ZNF318: variants seen among roughly 807,000 people sequenced by gnomAD.
ZNF318 encodes the protein endocrine regulator.
In ZNF318, 51 loss-of-function variants were observed where a neutral mutation model predicts 124.2. That is an observed-to-expected ratio of 0.41 (90% CI 0.33 to 0.52). The LOEUF is 0.52. ZNF318 is among the 20% of genes least tolerant of loss of function. ZNF318 has a pLI of 0.23. For synonymous variants in ZNF318, 1,090 were observed against 1,040.7 expected (o/e 1.05, Z -0.91); for missense variants, 2,815 against 2,811.2 (o/e 1.00, Z -0.03).
chr6:43,364,859 C>A (rs1362749084), intron 2 of ZNF318, among the ~76,000 whole-genome samples: 1 of 152,214 alleles, frequency 6.6e-6, no homozygotes, highest in Non-Finnish European at 1.5e-5. Flanking sequence ...ACTTACCTAA[C>A]CCTTTCTGAA....
Position 43,368,978 on chromosome 6 carries a change from T to G in ZNF318, c.388A>C (p.Ser130Arg). 1 of 1,424,832 alleles carries G rather than the reference T, an allele frequency of 7.0e-7. No homozygotes were observed. The highest frequency in any genetic ancestry group is 9.2e-7 in the Non-Finnish European group (1 of 1,085,958). The allele number at this position is 1,424,832 out of a possible 1,614,324, so 88.3% of individuals were successfully genotyped here. A position where few individuals can be genotyped will look rare whatever the true frequency, so the allele number is the denominator to read the frequency against. The change falls in exon 1 of 10, where the codon AGC becomes CGC. Residue 130 changes from serine to arginine, a missense_variant. Around this residue, in one of 4 missense-constraint regions of ZNF318, gnomAD observed 1,377 missense variants for 1,353.5 expected, o/e 1.02. Transcript: ENST00000361428. ...RDGRGDHPGD[S>R]GSRRRSPGLC... is the part of the protein sequence containing the mutation. ...AGGGGTGGGATTACCCGGCTGCCGC[T>G]GTCGCCTGGATGGTCTCCGCGGCCG... is the stretch of plus-strand genomic sequence containing the variant.
rs770284930 is a variant in ZNF318 at position 43,340,515 on chromosome 6, A to T, written c.3496-13T>A. 6.4e-7 allele frequency: 1 copy of T among 1,569,058 alleles called. No individual in the cohort carries two copies. Among genetic ancestry groups the T allele is most frequent in the Admixed American group, 2.1e-5 (1 of 47,586 alleles). On this transcript the variant is annotated splice_polypyrimidine_tract_variant and intron_variant, in intron 9 of 9. Coordinates refer to ENST00000361428, the MANE Select transcript of ZNF318 (RefSeq NM_014345.3). Reference sequence around the variant, plus strand: ...CATCCACATATTTCTGGGAAGAAAAAAGATAAAGACTCAAAAACTGGTGAA... The same window carrying T: ...CATCCACATATTTCTGGGAAGAAAATAGATAAAGACTCAAAAACTGGTGAA...
Position 43,357,253 on chromosome 6 carries a change from A to G in ZNF318, c.1061T>C (p.Leu354Ser), listed in dbSNP as rs1779621747. Residue 354 changes from leucine to serine, a missense_variant, in exon 3 of 10, where the codon TTG becomes TCG. Leu to Ser is a moderately radical substitution (Grantham distance 145). This residue lies in a region of ZNF318 where 1,377 missense variants were observed against 1,353.5 expected (regional missense o/e 1.02). Transcript: ENST00000361428. ...CTCCGATGCTGTTAGGACACCTGAC[A>G]ATCCAGGGATGGAACAGCCAGTACC... ...GGGTGCSIPGLSGVLTASEPG... is the reference protein window; with the variant it reads ...GGGTGCSIPGSSGVLTASEPG... 1 of 1,614,200 alleles carries G rather than the reference A, an allele frequency of 6.2e-7. No individual in the cohort carries two copies.
At chr6:43,342,929 T>TA in intron 6 of ZNF318, 50 bp from the exon 7 acceptor site, 1 of 1,475,280 alleles carries the variant, frequency 6.8e-7, no homozygotes. Flanking sequence ...AATCTAGACT[T>TA]GTCTTCTGTT....
chr6:43,367,493 T>A (rs773295832), intron 1 of ZNF318, among the ~76,000 whole-genome samples: 27 of 151,848 alleles, frequency 1.8e-4, no homozygotes, highest in Non-Finnish European at 3.8e-4. Flanking sequence ...TAGACCAGAG[T>A]GATGGCAGGA....
intron 4 of ZNF318, among the ~76,000 whole-genome samples, chr6:43,353,207 T>C (rs912712349): frequency 2.6e-5 from 4 of 152,192 alleles, no homozygotes; most frequent in Non-Finnish European, 5.9e-5. Flanking sequence ...TTTGTCTACA[T>C]TGAACCTATT....
At chr6:43,345,571 G>C (rs146461786) in intron 6 of ZNF318, among the ~76,000 whole-genome samples, 24 of 152,212 alleles carry the variant, frequency 1.6e-4, no homozygotes, top group African/African-American at 5.5e-4. Flanking sequence ...AATTACAAAG[G>C]ACCAGAGCTT....
At position 43,357,447 on chromosome 6, in the gene ZNF318, G is replaced by A. The variant is rs1262757404; in HGVS notation, c.867C>T (p.His289=). 6.2e-7 allele frequency: 1 copy of A among 1,614,156 alleles called. No individual in the cohort carries two copies. Among genetic ancestry groups the A allele is most frequent in the Non-Finnish European group, 8.5e-7 (1 of 1,180,024 alleles). ...TGCGAGTTCCTGATGTAAAACTTGG[G>A]TGATCCCCTCCCATGCTGTTTATCT... ...TVKINSMGGD[H]PSFTSGTRNY... Residue 289 remains histidine, a synonymous_variant, in exon 3 of 10, where the codon CAC becomes CAT. Coordinates refer to ENST00000361428, the MANE Select transcript of ZNF318 (RefSeq NM_014345.3).
At position 43,339,710 on chromosome 6, in the gene ZNF318, T is replaced by C; in HGVS notation, c.4288A>G (p.Lys1430Glu). The C allele has an allele frequency of 6.2e-7, 1 of 1,614,030 alleles. No homozygotes were observed. The highest frequency in any genetic ancestry group is 1.3e-5 in the African/African-American group (1 of 75,004). The change falls in exon 10 of 10, where the codon AAG (lysine) becomes GAG (glutamate). Residue 1430 changes from lysine to glutamate, a missense_variant. By Grantham distance (56) the Lys-to-Glu change is moderately conservative. Coordinates refer to ENST00000361428, the MANE Select transcript of ZNF318 (RefSeq NM_014345.3). This position sits in a 1 kb window ranked among gnomAD's most constrained non-coding sequence, Gnocchi z 4.2. ...TCAGGTAAATGAGATGGCTCACTCTTTTCAGCCAACACCACTTTTTCCTCT... is the reference window on the plus strand; with the variant it reads ...TCAGGTAAATGAGATGGCTCACTCTCTTCAGCCAACACCACTTTTTCCTCT... ...SPEEKVVLAE[K>E]SEPSHLPEQI...
chr6:43,339,523 C>T lies in ZNF318; in HGVS notation c.4475G>A (p.Gly1492Asp), dbSNP rs769153485. The T allele has an allele frequency of 6.2e-7, 1 of 1,614,036 alleles. No individual in the cohort carries two copies. The highest frequency in any genetic ancestry group is 8.5e-7 in the Non-Finnish European group (1 of 1,180,018). Reference protein sequence around the residue: ...VSQTLSPGFVGPNILNPVLPV... With the variant: ...VSQTLSPGFVDPNILNPVLPV... The stretch of plus-strand genomic sequence containing the variant: ...CAACACTGGGTTCAAAATGTTAGGA[C>T]CCACGAAGCCAGGGCTGAGAGTCTG... The change falls in exon 10 of 10, where the codon GGT becomes GAT. Residue 1492 changes from glycine (G) to aspartate (D), a missense_variant. Gly to Asp is a moderately conservative substitution (Grantham distance 94). Coordinates refer to ENST00000361428, the MANE Select transcript of ZNF318 (RefSeq NM_014345.3). This position sits in a 1 kb window ranked among gnomAD's most constrained non-coding sequence, Gnocchi z 4.2.
intron 6 of ZNF318, among the ~76,000 whole-genome samples, chr6:43,343,699 TGC>T: frequency 6.6e-6 from 1 of 151,800 alleles, no homozygotes; most frequent in South Asian, 2.1e-4. Flanking sequence ...CATGGTGGTG[TGC>T]ACCTGTATTC....
chr6:43,344,834 T>C lies in ZNF318; in HGVS notation c.3073-1955A>G, dbSNP rs370280518. 1.1e-4 allele frequency among the ~76,000 whole-genome samples: 17 copies of C among 151,540 alleles called. 1 individual carries two copies. The highest frequency in any genetic ancestry group is 8.5e-4 in the Admixed American group (13 of 15,246). On this transcript the variant is annotated intron_variant, in intron 6 of 9. Transcript: ENST00000361428. ...TTTGGTGTATGTATTTGGAATAACA[T>C]ACACCAAGGTATTAATAATAAATTA...
intron 6 of ZNF318, among the ~76,000 whole-genome samples, chr6:43,344,693 A>G (rs1427463501): frequency 6.6e-6 from 1 of 152,174 alleles, no homozygotes; most frequent in Non-Finnish European, 1.5e-5. Flanking sequence ...TTTAATGAGA[A>G]TATGAACCTT....
chr6:43,365,155 T>C, intron 2 of ZNF318, 137 bp downstream of exon 2: 1 of 867,746 alleles, frequency 1.2e-6, no homozygotes, highest in Admixed American at 2.9e-5. Context: ...ATCCCAGCGT[T>C]TTATTTTGTA....
chr6:43,338,658 T>G lies in ZNF318; in HGVS notation c.5340A>C (p.Glu1780Asp). The G allele has an allele frequency of 3.7e-6, 6 of 1,614,220 alleles. No individual in the cohort carries two copies. The highest frequency in any genetic ancestry group is 5.1e-6 in the Non-Finnish European group (6 of 1,180,038). ...CRESEIETNT[E>D]LKERVKELSE... ...ACAGCTCCTTTACCCTTTCTTTTAG[T>G]TCAGTGTTTGTCTCTATCTCACTTT... The change falls in exon 10 of 10, where the codon GAA (glutamate) becomes GAC (aspartate). Residue 1780 changes from glutamate to aspartate, a missense_variant. Around this residue, in one of 4 missense-constraint regions of ZNF318, gnomAD observed 927 missense variants for 820.6 expected, o/e 1.13. Transcript: ENST00000361428.
chr6:43,342,611 TA>T (rs1779386485), intron 7 of ZNF318, 64 bp downstream of exon 7: 2 of 1,515,846 alleles, frequency 1.3e-6, no homozygotes, highest in African/African-American at 2.7e-5. Flanking sequence ...GCAATGCAGA[TA>T]GGGGTATAGA....
At position 43,357,623 on chromosome 6, in the gene ZNF318, G is replaced by C. The variant is rs748191085; in HGVS notation, c.691C>G (p.Leu231Val). ...DEDYRTKETF[L>V]HRSDYSPHIS... ...TGGGGACTATAATCAGATCGATGCA[G>C]GAAAGTTTCTTTTGTTCGGTAGTCC... The change falls in exon 3 of 10, where the codon CTG (leucine) becomes GTG (valine). Residue 231 changes from leucine (L) to valine (V), a missense_variant. Physicochemically the swap from Leu to Val is conservative, Grantham distance 32. Coordinates refer to ENST00000361428, the MANE Select transcript of ZNF318 (RefSeq NM_014345.3). 6.2e-7 allele frequency: 1 copy of C among 1,614,108 alleles called. No homozygotes were observed. Among genetic ancestry groups the C allele is most frequent in the South Asian group, 1.1e-5 (1 of 91,072 alleles).
intron 4 of ZNF318, among the ~76,000 whole-genome samples, chr6:43,352,963 A>AT (rs1779552851): frequency 6.6e-6 from 1 of 152,246 alleles, no homozygotes; most frequent in African/African-American, 2.4e-5. Flanking sequence ...AAAGTCACAC[A>AT]TTAAGAGTAG....
chr6:43,343,932 A>G (rs1462648367), intron 6 of ZNF318, among the ~76,000 whole-genome samples: 4 of 152,136 alleles, frequency 2.6e-5, no homozygotes, highest in African/African-American at 9.7e-5. Flanking sequence ...AAATACTTTA[A>G]TATGAATTAA....
Sources: allele counts gnomAD v4.1 joint callset (sites outside exome capture counted in the v4.1 genomes callset), GRCh38; gene constraint gnomAD v4.1.1; regional missense constraint gnomAD v4.1.1; non-coding constraint Gnocchi (gnomAD v3.1); transcripts MANE v1.5; gene names NCBI Gene and HGNC (gene_info 2026-07-23, HGNC 2026-07-21).